CNTNAP2: variants seen among roughly 807,000 people sequenced by gnomAD.
CNTNAP2 encodes the protein contactin associated protein 2.
A neutral mutation model predicts 155.2 loss-of-function variants in CNTNAP2; 98 were observed. That is an observed-to-expected ratio of 0.63 (90% confidence interval 0.54 to 0.75). CNTNAP2 has a LOEUF of 0.75. Ranked by LOEUF, CNTNAP2 falls within the 30% of genes least tolerant of loss-of-function variation. The probability of loss-of-function intolerance (pLI) is 0.00; values close to 1 mark genes in which losing one functional copy is unlikely to be tolerated. For missense variants in CNTNAP2, 1,727 were observed against 1,688.1 expected (o/e 1.02, Z -0.40); for synonymous variants, 651 against 631.2 (o/e 1.03, Z -0.47).
intron 15 of CNTNAP2, among the ~76,000 whole-genome samples, chr7:148,045,185 A>G (rs183642515): frequency 1.7e-4 from 26 of 152,278 alleles, no homozygotes; most frequent in Admixed American, 1.6e-3. Context: ...CAGGGCCAAC[A>G]GGAAAGGGGA....
intron 13 of CNTNAP2, among the ~76,000 whole-genome samples, chr7:147,865,362 T>C (rs62481192): frequency 0.6 from 90,914 of 151,942 alleles, 27,496 homozygotes; most frequent in Middle Eastern, 0.7. Flanking sequence ...CATCGATGCT[T>C]ACCAGGGATA....
At chr7:148,290,070 T>A (rs747775524) in intron 21 of CNTNAP2, among the ~76,000 whole-genome samples, 5 of 152,212 alleles carry the variant, frequency 3.3e-5, no homozygotes, top group Non-Finnish European at 5.9e-5. Context: ...GGATTTCTTT[T>A]CTCAATTGAT....
chr7:146,447,543 A>G (rs547731413), intron 1 of CNTNAP2, among the ~76,000 whole-genome samples: 6 of 152,156 alleles, frequency 3.9e-5, no homozygotes, highest in East Asian at 1.9e-4. Context: ...CAAAGACAAT[A>G]TTATTTTCTT....
chr7:146,951,859 A>G (rs2129228082), intron 3 of CNTNAP2, among the ~76,000 whole-genome samples: 1 of 152,248 alleles, frequency 6.6e-6, no homozygotes, highest in African/African-American at 2.4e-5. Context: ...TGGGGATATC[A>G]TTTAATCTGT....
At chr7:146,312,122 C>T (rs1800835466) in intron 1 of CNTNAP2, among the ~76,000 whole-genome samples, 1 of 152,104 alleles carries the variant, frequency 6.6e-6, no homozygotes, top group African/African-American at 2.4e-5. Flanking sequence ...TGTAAAATCC[C>T]CTTATTTGCT....
At chr7:147,189,805 C>G (rs751652951) in intron 8 of CNTNAP2, among the ~76,000 whole-genome samples, 1 of 152,000 alleles carries the variant, frequency 6.6e-6, no homozygotes, top group Non-Finnish European at 1.5e-5. Flanking sequence ...AGTGCAGTGG[C>G]GCGATCTCGG....
intron 8 of CNTNAP2, among the ~76,000 whole-genome samples, chr7:147,283,849 A>G (rs1285566638): frequency 6.6e-6 from 1 of 151,942 alleles, no homozygotes; most frequent in South Asian, 2.1e-4. Flanking sequence ...CTGGTAAAAG[A>G]TCTTAGTTCT....
At chr7:146,613,012 C>A (rs930560202) in intron 1 of CNTNAP2, among the ~76,000 whole-genome samples, 1 of 151,444 alleles carries the variant, frequency 6.6e-6, no homozygotes, top group Non-Finnish European at 1.5e-5. Context: ...CACTCACTAC[C>A]AATTGCTCTC....
chr7:146,828,112 A>G (rs1334860002), intron 2 of CNTNAP2, among the ~76,000 whole-genome samples: 1 of 152,068 alleles, frequency 6.6e-6, no homozygotes. Flanking sequence ...AGAAACCCTG[A>G]GTAGCTGGCA....
intron 17 of CNTNAP2, among the ~76,000 whole-genome samples, chr7:148,154,723 G>A (rs1230602354): frequency 6.6e-6 from 1 of 152,168 alleles, no homozygotes; most frequent in Non-Finnish European, 1.5e-5. Flanking sequence ...GATCATCTGA[G>A]GTCAGGAGTT....
chr7:146,706,334 G>T (rs1022523109), intron 1 of CNTNAP2, among the ~76,000 whole-genome samples: 2 of 152,104 alleles, frequency 1.3e-5, no homozygotes, highest in African/African-American at 4.8e-5. Flanking sequence ...AGACAGTTAG[G>T]CATTAAGAAA....
At chr7:146,427,345 C>T (rs1255718210) in intron 1 of CNTNAP2, among the ~76,000 whole-genome samples, 1 of 152,092 alleles carries the variant, frequency 6.6e-6, no homozygotes, top group African/African-American at 2.4e-5. Context: ...CAATCTCTGT[C>T]GCAACTCAAT....
intron 3 of CNTNAP2, among the ~76,000 whole-genome samples, chr7:146,985,739 A>C (rs966599527): frequency 1.3e-5 from 2 of 152,148 alleles, no homozygotes; most frequent in African/African-American, 2.4e-5. Context: ...CTTTTCTTTG[A>C]AATAAAGAAA....
intron 3 of CNTNAP2, among the ~76,000 whole-genome samples, chr7:146,911,155 A>G (rs575398318): frequency 2.4e-4 from 37 of 152,180 alleles, no homozygotes; most frequent in South Asian, 1.4e-3. Context: ...GTCAGGATAC[A>G]ACAGGTGCTG....
At chr7:146,658,217 T>C (rs984609416) in intron 1 of CNTNAP2, among the ~76,000 whole-genome samples, 3 of 152,126 alleles carry the variant, frequency 2.0e-5, no homozygotes, top group Non-Finnish European at 4.4e-5. Context: ...ATTCTTGCAA[T>C]ATCTTGAATG....
chr7:148,091,233 A>T (rs879463389), intron 15 of CNTNAP2, among the ~76,000 whole-genome samples: 2 of 152,214 alleles, frequency 1.3e-5, no homozygotes, highest in Non-Finnish European at 1.5e-5. Context: ...TCCATTACAA[A>T]AAAAGATAAA....
At chr7:147,380,130 A>G (rs891312714) in intron 9 of CNTNAP2, among the ~76,000 whole-genome samples, 1 of 152,078 alleles carries the variant, frequency 6.6e-6, no homozygotes, top group Non-Finnish European at 1.5e-5. Context: ...AATGTTAAGT[A>G]TTTTAAATAA....
chr7:146,297,281 A>G (rs1195352631), intron 1 of CNTNAP2, among the ~76,000 whole-genome samples: 1 of 152,120 alleles, frequency 6.6e-6, no homozygotes, highest in African/African-American at 2.4e-5. Context: ...TTCCATAAAG[A>G]AAAAGATACC....
chr7:147,088,264 C>T lies in CNTNAP2; in HGVS notation c.551-19883C>T, dbSNP rs564817514. 3.9e-5 allele frequency among the ~76,000 whole-genome samples: 6 copies of T among 152,102 alleles called. 1 individual carries two copies. Among genetic ancestry groups the T allele is most frequent in the African/African-American group, 1.4e-4 (6 of 41,516 alleles). ...TCACTAAAAATAAAGAAAAGGATCA[C>T]TATGGAATAATGACCCTTTAATAGA... On this transcript the variant is annotated intron_variant, in intron 4 of 23. Transcript: ENST00000361727.
Sources: gnomAD v4.1 joint callset for allele counts (sites outside exome capture counted in the v4.1 genomes callset) on GRCh38, gnomAD v4.1.1 for gene constraint, MANE v1.5 for transcripts, NCBI Gene and HGNC (gene_info 2026-07-23, HGNC 2026-07-21) for gene names.